Variants in SMURF1 observed in about 807,000 individuals in gnomAD.
The protein encoded by SMURF1 is E3 ubiquitin-protein ligase SMURF1.
SMURF1 carries 44 observed loss-of-function variants against 98.0 expected under a neutral mutation model. That is an observed-to-expected ratio of 0.45 (90% CI 0.35 to 0.58). SMURF1 has a LOEUF of 0.58. SMURF1 is among the 20% of genes least tolerant of loss of function. The pLI is 0.00. For missense variants in SMURF1, 687 were observed against 938.4 expected (o/e 0.73, Z 3.50); for synonymous variants, 396 against 374.9 (o/e 1.06, Z -0.65).
chr7:99,051,227 C>T, intron 8 of SMURF1, 130 bp downstream of exon 8: 2 of 880,146 alleles, frequency 2.3e-6, no homozygotes. Context: ...GAAGGAAATC[C>T]CAGACATCAA....
At chr7:99,134,329 C>T (rs1797938108) in intron 1 of SMURF1, among the ~76,000 whole-genome samples, 1 of 152,090 alleles carries the variant, frequency 6.6e-6, no homozygotes, top group South Asian at 2.1e-4. Context: ...ACAGGTATTT[C>T]CTCACCAGGC....
chr7:99,122,508 G>A (rs1282995028), intron 1 of SMURF1, among the ~76,000 whole-genome samples: 2 of 151,884 alleles, frequency 1.3e-5, no homozygotes, highest in Admixed American at 6.5e-5. Context: ...GCCAGGTGTG[G>A]TGGCGGGCGC....
At chr7:99,045,902 C>G (rs1460703858) in intron 10 of SMURF1, 101 bp from the exon 11 acceptor site, 7 of 833,222 alleles carry the variant, frequency 8.4e-6, no homozygotes, top group Non-Finnish European at 1.4e-5. Flanking sequence ...CGCATCCATT[C>G]CAATTCAAGT....
chr7:99,080,437 T>C (rs540358344), intron 1 of SMURF1, among the ~76,000 whole-genome samples: 1 of 152,230 alleles, frequency 6.6e-6, no homozygotes, highest in African/African-American at 2.4e-5. Flanking sequence ...GTAGCTGGGA[T>C]TACAAGCATG....
chr7:99,115,349 T>C (rs1327982047), intron 1 of SMURF1, among the ~76,000 whole-genome samples: 1 of 152,126 alleles, frequency 6.6e-6, no homozygotes, highest in East Asian at 1.9e-4. Flanking sequence ...TCCCAGCACT[T>C]TGCGAGGCTG....
chr7:99,121,170 C>T (rs1428041125), intron 1 of SMURF1: 1 of 148,054 alleles, frequency 6.8e-6, no homozygotes, highest in Non-Finnish European at 1.5e-5. Context: ...CAACACCCTG[C>T]TCTTCCCAAA....
At chr7:99,108,547 G>A (rs1025343488) in intron 1 of SMURF1, among the ~76,000 whole-genome samples, 12 of 143,250 alleles carry the variant, frequency 8.4e-5, no homozygotes, top group African/African-American at 3.1e-4. Flanking sequence ...AGGAGGTGAA[G>A]GTTGCAGTGA....
intron 1 of SMURF1, among the ~76,000 whole-genome samples, chr7:99,107,652 C>CT (rs1346994174): frequency 6.6e-6 from 1 of 152,222 alleles, no homozygotes; most frequent in Non-Finnish European, 1.5e-5. Context: ...AACGATCTTT[C>CT]TGTCCTATTT....
intron 1 of SMURF1, among the ~76,000 whole-genome samples, chr7:99,093,757 CTATATA>C (rs760325588): frequency 6.6e-6 from 1 of 151,640 alleles, no homozygotes; most frequent in East Asian, 1.9e-4. Context: ...ATGCACTTTT[CTATATA>C]TATATAATTT....
At chr7:99,086,397 A>T (rs1238892370) in intron 1 of SMURF1, among the ~76,000 whole-genome samples, 3 of 61,488 alleles carry the variant, frequency 4.9e-5, no homozygotes, top group Non-Finnish European at 1.6e-4. Context: ...AAGATAGTTA[A>T]AAAAAAAAAA....
At chr7:99,065,755 G>A (rs1009482385) in intron 1 of SMURF1, among the ~76,000 whole-genome samples, 2 of 152,074 alleles carry the variant, frequency 1.3e-5, no homozygotes, top group African/African-American at 4.8e-5. Context: ...CCCCATCAAA[G>A]GCACAAGCGA....
intron 17 of SMURF1, 165 bp from the exon 18 acceptor site, chr7:99,030,848 AT>A (rs1360883680): frequency 4.5e-5 from 25 of 550,378 alleles, no homozygotes; most frequent in Non-Finnish European, 1.6e-5. Context: ...TCTGCTTCTA[AT>A]ACAAAGATTT....
At chr7:99,065,744 C>T (rs558417790) in intron 1 of SMURF1, among the ~76,000 whole-genome samples, 1 of 152,168 alleles carries the variant, frequency 6.6e-6, no homozygotes, top group African/African-American at 2.4e-5. Flanking sequence ...ACCTTACCAG[C>T]CCCCATCAAA....
chr7:99,045,538 G>T (rs569789562), intron 11 of SMURF1, 160 bp downstream of exon 11: 14 of 593,626 alleles, frequency 2.4e-5, no homozygotes, highest in Middle Eastern at 3.2e-4. Flanking sequence ...CCTATTCTCC[G>T]CAGGGTGGCT....
At position 99,047,699 on chromosome 7, in the gene SMURF1, T is replaced by C. The variant is rs1795627372; in HGVS notation, c.1137A>G (p.Arg379=). ...AACTCTCTACCTCAAAGATTTCTTCTCTGGACACTTCGATGCGGCAATGAC... is the reference window on the plus strand; with the variant it reads ...AACTCTCTACCTCAAAGATTTCTTCCCTGGACACTTCGATGCGGCAATGAC... ...QAGHCRIEVS[R]EEIFEESYRQ... Residue 379 remains arginine, a synonymous_variant, in exon 10 of 18, where the codon AGA becomes AGG. Transcript: ENST00000361368. The C allele has an allele frequency of 6.2e-7, 1 of 1,614,104 alleles. No individual in the cohort carries two copies. Among genetic ancestry groups the C allele is most frequent in the African/African-American group, 1.3e-5 (1 of 74,920 alleles).
At chr7:99,072,808 C>G (rs1191730665) in intron 1 of SMURF1, among the ~76,000 whole-genome samples, 1 of 152,162 alleles carries the variant, frequency 6.6e-6, no homozygotes, top group African/African-American at 2.4e-5. Flanking sequence ...AGTGCTACTT[C>G]CATAACACTG....
intron 8 of SMURF1, 48 bp from the exon 9 acceptor site, chr7:99,049,757 G>A: frequency 2.5e-6 from 4 of 1,571,308 alleles, no homozygotes; most frequent in Admixed American, 1.8e-5. Context: ...GAGTATGGAG[G>A]AATGAGACCA....
rs199904635 is a variant in SMURF1, at chr7:99,030,599, C to A, written c.2181G>T (p.Gly727=). 5 of 1,614,148 alleles carry A rather than the reference C, an allele frequency of 3.1e-6. No individual in the cohort carries two copies. In the East Asian group the frequency reaches 8.9e-5, roughly 29 times the overall value. The change falls in exon 18 of 18, where the codon GGG becomes GGT. Residue 727 remains glycine, a synonymous_variant. Transcript: ENST00000361368. ...KLLTAVEETC[G]FAVE ...TGGTTGCTTTTCACTCCACAGCAAA[C>A]CCGCAGGTCTCCTCCACGGCTGTCA...
intron 1 of SMURF1, among the ~76,000 whole-genome samples, chr7:99,078,720 C>A: frequency 6.6e-6 from 1 of 152,242 alleles, no homozygotes; most frequent in East Asian, 1.9e-4. Flanking sequence ...CTAGGTTGCA[C>A]CCTTTTATGA....
Sources: allele counts gnomAD v4.1 joint callset (sites outside exome capture counted in the v4.1 genomes callset), GRCh38; gene constraint gnomAD v4.1.1; transcripts MANE v1.5; gene names NCBI Gene and HGNC (gene_info 2026-07-23, HGNC 2026-07-21).